PRKAG2: variants seen among roughly 807,000 people sequenced by gnomAD.
PRKAG2 encodes protein kinase AMP-activated non-catalytic subunit gamma 2.
In PRKAG2, 26 loss-of-function variants were observed where a neutral mutation model predicts 69.6. That is an observed-to-expected ratio of 0.37 (90% CI 0.27 to 0.52). The LOEUF (loss-of-function observed/expected upper bound fraction) is 0.52. Ranked by LOEUF, PRKAG2 falls within the 20% of genes least tolerant of loss-of-function variation. The pLI is 0.90. For synonymous variants in PRKAG2, 293 were observed against 285.0 expected (o/e 1.03, Z -0.28); for missense variants, 557 against 740.0 (o/e 0.75, Z 2.87).
chr7:151,588,640 G>A (rs947280775), intron 6 of PRKAG2, among the ~76,000 whole-genome samples: 5 of 152,118 alleles, frequency 3.3e-5, no homozygotes, highest in East Asian at 1.9e-4. Flanking sequence ...GATTACAGGC[G>A]TGAGACACCG....
At chr7:151,705,819 T>C (rs1838501107) in intron 3 of PRKAG2, among the ~76,000 whole-genome samples, 1 of 152,128 alleles carries the variant, frequency 6.6e-6, no homozygotes, top group Non-Finnish European at 1.5e-5. Flanking sequence ...CACTTCCTTG[T>C]AGAAATCTCA....
intron 4 of PRKAG2, among the ~76,000 whole-genome samples, chr7:151,644,702 A>C (rs376658064): frequency 3.9e-4 from 59 of 152,320 alleles, no homozygotes; most frequent in African/African-American, 1.4e-3. Context: ...GCAAATACCA[A>C]GGAGTAGAAT....
chr7:151,870,114 T>C (rs986784309), intron 1 of PRKAG2, among the ~76,000 whole-genome samples: 6 of 107,984 alleles, frequency 5.6e-5, no homozygotes, highest in African/African-American at 1.9e-4. Context: ...GTGCAGATGA[T>C]AGATAGATAG....
At chr7:151,855,315 A>C (rs868378369) in intron 1 of PRKAG2, among the ~76,000 whole-genome samples, 3 of 412 alleles carry the variant, frequency 7.3e-3, no homozygotes, top group Admixed American at 0.036. Flanking sequence ...CACACACACC[A>C]CCCTCCCACA....
chr7:151,591,166 T>A (rs1405771895), intron 6 of PRKAG2, among the ~76,000 whole-genome samples: 1 of 152,222 alleles, frequency 6.6e-6, no homozygotes, highest in African/African-American at 2.4e-5. Context: ...GCAGCAGCTG[T>A]TCCCAATGTA....
At chr7:151,822,605 A>G (rs2078814067) in intron 1 of PRKAG2, among the ~76,000 whole-genome samples, 2 of 152,164 alleles carry the variant, frequency 1.3e-5, no homozygotes, top group African/African-American at 4.8e-5. Context: ...AGGAACGGTG[A>G]GCCGGCCCCG....
At position 151,850,540 on chromosome 7, in the gene PRKAG2, G is replaced by C. The variant is rs2079543402; in HGVS notation, c.114+25967C>G. 6.6e-6 allele frequency among the ~76,000 whole-genome samples: 1 copy of C among 152,202 alleles called. No homozygotes were observed. The highest frequency in any genetic ancestry group is 2.1e-4 in the South Asian group (1 of 4,836). On this transcript the variant is annotated intron_variant, in intron 1 of 15. Transcript: ENST00000287878. This position sits in a 1 kb window ranked among gnomAD's most constrained non-coding sequence, Gnocchi z 4.1. ...GATGGCATTGGCCATGCTCATCAAAGCAGCCCAAGCTCACACTCAGCCAAG... is the reference window on the plus strand; with the variant it reads ...GATGGCATTGGCCATGCTCATCAAACCAGCCCAAGCTCACACTCAGCCAAG...
At chr7:151,846,052 T>C (rs1301367375) in intron 1 of PRKAG2, among the ~76,000 whole-genome samples, 1 of 152,236 alleles carries the variant, frequency 6.6e-6, no homozygotes, top group Non-Finnish European at 1.5e-5. Flanking sequence ...GCCTGATCAG[T>C]GCTCGCCCCT....
At chr7:151,637,093 C>T (rs1424266511) in intron 4 of PRKAG2, among the ~76,000 whole-genome samples, 1 of 152,162 alleles carries the variant, frequency 6.6e-6, no homozygotes, top group East Asian at 1.9e-4. Flanking sequence ...TATGAGGATT[C>T]AAGTTTCTCC....
At chr7:151,874,276 GA>G (rs1255214583) in intron 1 of PRKAG2, among the ~76,000 whole-genome samples, 88 of 82,246 alleles carry the variant, frequency 1.1e-3, no homozygotes, top group Middle Eastern at 7.4e-3. Flanking sequence ...ATATGTATAT[GA>G]TATATATGTA....
rs757274680 is a variant in PRKAG2, at chr7:151,781,469, G to A, written c.187-38C>T. 13 of 1,571,952 alleles carry A rather than the reference G, an allele frequency of 8.3e-6. No homozygotes were observed. Among genetic ancestry groups the A allele is most frequent in the East Asian group, 2.3e-5 (1 of 42,966 alleles). On this transcript the variant is annotated intron_variant, in intron 2 of 15. Coordinates refer to ENST00000287878, the MANE Select transcript of PRKAG2 (RefSeq NM_016203.4). The surrounding 1 kb of genome is among the most constrained non-coding windows in gnomAD (Gnocchi z 6.1). ...AGACGAATGGATGCAGTCACTCCACGCTCTGGACACGCTGCCTCCTGCCCT... is the reference window on the plus strand; with the variant it reads ...AGACGAATGGATGCAGTCACTCCACACTCTGGACACGCTGCCTCCTGCCCT...
chr7:151,865,495 C>G (rs1245800369), intron 1 of PRKAG2, among the ~76,000 whole-genome samples: 1 of 152,218 alleles, frequency 6.6e-6, no homozygotes, highest in African/African-American at 2.4e-5. Flanking sequence ...CCAGGTTAAG[C>G]CTTGTGAGGG....
chr7:151,779,780 T>A (rs1486627363), intron 3 of PRKAG2, among the ~76,000 whole-genome samples: 1 of 152,088 alleles, frequency 6.6e-6, no homozygotes, highest in Non-Finnish European at 1.5e-5. Flanking sequence ...TGCGCACACA[T>A]CCTCCTTCTC....
At chr7:151,770,286 C>G (rs1298923025) in intron 3 of PRKAG2, among the ~76,000 whole-genome samples, 1 of 152,188 alleles carries the variant, frequency 6.6e-6, no homozygotes, top group Non-Finnish European at 1.5e-5. Context: ...TTGGCTTCAC[C>G]CTCTGACATA....
At chr7:151,651,388 C>T (rs1488645792) in intron 4 of PRKAG2, among the ~76,000 whole-genome samples, 1 of 152,174 alleles carries the variant, frequency 6.6e-6, no homozygotes, top group Non-Finnish European at 1.5e-5. Context: ...GGGCAGATCA[C>T]TTGAGGTCAG....
intron 3 of PRKAG2, among the ~76,000 whole-genome samples, chr7:151,778,657 T>A (rs961184874): frequency 1.3e-5 from 2 of 152,220 alleles, no homozygotes; most frequent in African/African-American, 4.8e-5. Context: ...AACTCTTTCT[T>A]CTGCTGTTAC....
intron 1 of PRKAG2, among the ~76,000 whole-genome samples, chr7:151,830,408 G>A (rs2078996848): frequency 1.3e-5 from 2 of 151,976 alleles, no homozygotes; most frequent in African/African-American, 4.8e-5. Flanking sequence ...AGCAGGCAGA[G>A]AAGAGAGAGG....
chr7:151,597,320 T>G (rs1273869716), intron 5 of PRKAG2, among the ~76,000 whole-genome samples: 1 of 152,126 alleles, frequency 6.6e-6, no homozygotes, highest in African/African-American at 2.4e-5. Context: ...ACTACGAAAC[T>G]ACTAGAAGAA....
At chr7:151,731,563 G>A (rs540502567) in intron 3 of PRKAG2, among the ~76,000 whole-genome samples, 1 of 151,540 alleles carries the variant, frequency 6.6e-6, no homozygotes, top group Non-Finnish European at 1.5e-5. Flanking sequence ...ATGTGTGTGC[G>A]AGTGTGTATC....
Sources: allele counts gnomAD v4.1 joint callset (sites outside exome capture counted in the v4.1 genomes callset), GRCh38; gene constraint gnomAD v4.1.1; non-coding constraint Gnocchi (gnomAD v3.1); transcripts MANE v1.5; gene names NCBI Gene and HGNC (gene_info 2026-07-23, HGNC 2026-07-21).